Variants in FGF18 observed in about 807,000 individuals in gnomAD.
FGF18 encodes the protein fibroblast growth factor 18.
A neutral mutation model predicts 23.0 loss-of-function variants in FGF18; 5 were observed. That is an observed-to-expected ratio of 0.22 (90% CI 0.11 to 0.46). The LOEUF (loss-of-function observed/expected upper bound fraction) is 0.46. FGF18 is among the 20% of genes least tolerant of loss of function. The probability of loss-of-function intolerance (pLI) is 0.99; values close to 1 mark genes in which losing one functional copy is unlikely to be tolerated. For missense variants in FGF18, 180 were observed against 291.6 expected (o/e 0.62, Z 2.79); for synonymous variants, 117 against 118.9 (o/e 0.98, Z 0.10).
At chr5:171,423,017 G>A (rs1328987210) in intron 2 of FGF18, among the ~76,000 whole-genome samples, 1 of 152,214 alleles carries the variant, frequency 6.6e-6, no homozygotes, top group Admixed American at 6.5e-5. Flanking sequence ...ATGCGCCTAC[G>A]CCCTTCCCTC....
intron 3 of FGF18, among the ~76,000 whole-genome samples, chr5:171,446,156 G>T (rs1361497309): frequency 6.6e-6 from 1 of 152,212 alleles, no homozygotes; most frequent in Non-Finnish European, 1.5e-5. Flanking sequence ...TGCTGCGGTC[G>T]GGGAGAGAAC....
chr5:171,453,310 G>A (rs1316971086), intron 4 of FGF18, among the ~76,000 whole-genome samples: 2 of 152,128 alleles, frequency 1.3e-5, no homozygotes, highest in African/African-American at 4.8e-5. Context: ...ATAGCCCCAG[G>A]GCTGGTTCCC....
chr5:171,420,239 C>G lies in FGF18; in HGVS notation c.32+8C>G. 6.3e-7 allele frequency: 1 copy of G among 1,579,512 alleles called. No individual in the cohort carries two copies. On this transcript the variant is annotated splice_region_variant and intron_variant, in intron 1 of 4. Transcript: ENST00000274625. ...CTCCGCCTGCACTTGCCTGTAAGCG[C>G]CCGCGCGCGGGGCTGCCCACCTTGC...
intron 3 of FGF18, among the ~76,000 whole-genome samples, chr5:171,447,533 T>TA (rs1346407677): frequency 6.6e-6 from 1 of 152,232 alleles, no homozygotes; most frequent in Non-Finnish European, 1.5e-5. Flanking sequence ...TTTCTAGAGT[T>TA]ACTAAATTCT....
In FGF18 at chr5:171,457,518, T is replaced by A. The variant is rs1772604423; in HGVS notation, c.*713T>A. ...TTTAAAACCAGCTATATTATATATA[T>A]TATATATATATAAGCTATTTATTTC... On this transcript the variant is annotated 3_prime_UTR_variant, in exon 5 of 5. Transcript: ENST00000274625. The A allele has an allele frequency of 6.6e-6, 1 of 151,478 alleles. No homozygotes were observed. The highest frequency in any genetic ancestry group is 1.5e-5 in the Non-Finnish European group (1 of 67,942). The allele number at this position is 151,478 out of a possible 1,614,324, so 9.4% of individuals were successfully genotyped here. A position where few individuals can be genotyped will look rare whatever the true frequency, so the allele number is the denominator to read the frequency against.
intron 3 of FGF18, among the ~76,000 whole-genome samples, chr5:171,441,607 T>TTG (rs1170637325): frequency 3.3e-5 from 5 of 152,226 alleles, no homozygotes; most frequent in Non-Finnish European, 5.9e-5. Context: ...TTCCTAGCAC[T>TTG]TGTCGCTATC....
At chr5:171,428,195 C>T (rs1772125861) in intron 2 of FGF18, among the ~76,000 whole-genome samples, 1 of 152,224 alleles carries the variant, frequency 6.6e-6, no homozygotes, top group Admixed American at 6.5e-5. Flanking sequence ...ACCATGGCAC[C>T]TGGCACAGAC....
At position 171,420,364 on chromosome 5, in the gene FGF18, TTCCTCAGG is replaced by T. The variant is rs748926492; in HGVS notation, c.33-39_33-32del. 4.7e-5 allele frequency: 75 copies of T among 1,611,626 alleles called. No homozygotes were observed. In the Middle Eastern group the frequency reaches 2.8e-3, roughly 60 times the overall value. On this transcript the variant is annotated intron_variant, in intron 1 of 4. Transcript: ENST00000274625. ...CGTGTCTGTCTGTCCGTGCGCCCCCTTCCTCAGGTCCCACTGACCGCTTCTCCATCTGT... is the reference window on the plus strand; with the variant it reads ...CGTGTCTGTCTGTCCGTGCGCCCCCTTCCCACTGACCGCTTCTCCATCTGT...
chr5:171,436,750 C>T lies in FGF18; in HGVS notation c.250+477C>T, dbSNP rs1772252250. Among the ~76,000 whole-genome samples, 1 of 152,170 alleles carries T rather than the reference C, an allele frequency of 6.6e-6. No individual in the cohort carries two copies. Among genetic ancestry groups the T allele is most frequent in the Non-Finnish European group, 1.5e-5 (1 of 68,040 alleles). ...GCCTGTGCACCTGTGATATGTGGCA[C>T]TCATTAACACCTTGGGCCATGGTCC... On this transcript the variant is annotated intron_variant, in intron 3 of 4. Transcript: ENST00000274625. This position sits in a 1 kb window ranked among gnomAD's most constrained non-coding sequence, Gnocchi z 4.4.
intron 3 of FGF18, among the ~76,000 whole-genome samples, chr5:171,448,290 A>T (rs1772447063): frequency 6.6e-6 from 1 of 151,980 alleles, no homozygotes; most frequent in African/African-American, 2.4e-5. Flanking sequence ...GGCTCCTGGG[A>T]GTTAGTTACC....
At chr5:171,437,878 C>T (rs910041087) in intron 3 of FGF18, among the ~76,000 whole-genome samples, 8 of 152,130 alleles carry the variant, frequency 5.3e-5, no homozygotes, top group African/African-American at 1.2e-4. Flanking sequence ...CATCTGTCCA[C>T]GCCCTGAGAC....
intron 3 of FGF18, among the ~76,000 whole-genome samples, chr5:171,445,484 G>C (rs996001529): frequency 8.6e-5 from 13 of 151,916 alleles, no homozygotes; most frequent in African/African-American, 3.1e-4. Context: ...TCAGCCTTCT[G>C]AGTAGCTGGG....
chr5:171,444,059 T>C (rs1304584042), intron 3 of FGF18, among the ~76,000 whole-genome samples: 1 of 151,696 alleles, frequency 6.6e-6, no homozygotes, highest in African/African-American at 2.4e-5. Context: ...CCTGAGGGTT[T>C]CCCATCTCCC....
At position 171,446,581 on chromosome 5, in the gene FGF18, G is replaced by A. The variant is rs144015148; in HGVS notation, c.251-2566G>A. Among the ~76,000 whole-genome samples, 260 of 152,274 alleles carry A rather than the reference G, an allele frequency of 1.7e-3. 1 individual carries two copies. The highest frequency in any genetic ancestry group is 0.011 in the South Asian group (52 of 4,824). On this transcript the variant is annotated intron_variant, in intron 3 of 4. Transcript: ENST00000274625. ...AGAGGTCCAGGCGTGTGCTGGGAAG[G>A]GCCAAGAGGGAGTCTCTCCCTTGGG...
intron 2 of FGF18, among the ~76,000 whole-genome samples, chr5:171,431,825 G>A (rs1472897744): frequency 3.3e-5 from 5 of 152,064 alleles, no homozygotes; most frequent in Non-Finnish European, 7.4e-5. Flanking sequence ...TTGGGAGGCC[G>A]AGGTGGGCAG....
intron 2 of FGF18, among the ~76,000 whole-genome samples, chr5:171,420,970 G>A (rs763212774): frequency 6.6e-6 from 1 of 152,230 alleles, no homozygotes; most frequent in Non-Finnish European, 1.5e-5. Context: ...AAGCTCGAGG[G>A]CGCCTAGGCC....
chr5:171,438,788 A>G (rs924931092), intron 3 of FGF18, among the ~76,000 whole-genome samples: 37 of 151,950 alleles, frequency 2.4e-4, no homozygotes, highest in African/African-American at 8.2e-4. Flanking sequence ...GAGGCTTCCA[A>G]TCTAGATAAT....
At chr5:171,421,995 T>C (rs573699413) in intron 2 of FGF18, among the ~76,000 whole-genome samples, 3 of 151,848 alleles carry the variant, frequency 2.0e-5, no homozygotes, top group African/African-American at 7.2e-5. Context: ...CTCCAGGGGG[T>C]CTGCTTGTCT....
intron 2 of FGF18, 94 bp downstream of exon 2, chr5:171,420,537 C>T: frequency 2.4e-6 from 3 of 1,263,108 alleles, no homozygotes; most frequent in Non-Finnish European, 3.4e-6. Context: ...CTGTGCCCCA[C>T]CCCTCCTGGG....
Sources: gnomAD v4.1 joint callset for allele counts (sites outside exome capture counted in the v4.1 genomes callset) on GRCh38, gnomAD v4.1.1 for gene constraint, Gnocchi (gnomAD v3.1) non-coding constraint, MANE v1.5 for transcripts, NCBI Gene and HGNC (gene_info 2026-07-23, HGNC 2026-07-21) for gene names.